Variants in DSCAM observed in about 807,000 individuals in gnomAD.
DSCAM encodes the protein DS cell adhesion molecule.
Under a neutral mutation model 217.7 loss-of-function variants are expected in DSCAM, and 47 were observed. The observed-to-expected ratio is 0.22, with a 90% CI of 0.17 to 0.28. The LOEUF (loss-of-function observed/expected upper bound fraction) is 0.28. Ranked by LOEUF, DSCAM falls within the 10% of genes least tolerant of loss-of-function variation. DSCAM has a pLI of 1.00. For synonymous variants in DSCAM, 1,056 were observed against 1,015.3 expected, an observed-to-expected ratio of 1.04 and a Z score of -0.76; for missense variants, 2,080 against 2,618.3, an observed-to-expected ratio of 0.79 and a Z score of 4.49.
At chr21:40,072,350 CTT>C (rs3069680) in intron 27 of DSCAM, among the ~76,000 whole-genome samples, 6 of 141,370 alleles carry the variant, frequency 4.2e-5, no homozygotes, top group Admixed American at 7.1e-5. Context: ...CTGTCAGATT[CTT>C]TTTTTTTTTT....
At chr21:40,126,761 C>T (rs2090098418) in intron 19 of DSCAM, among the ~76,000 whole-genome samples, 1 of 152,144 alleles carries the variant, frequency 6.6e-6, no homozygotes, top group African/African-American at 2.4e-5. Flanking sequence ...TTTTACTGCA[C>T]CATCTAAACT....
At chr21:40,252,164 C>A (rs76920671) in intron 11 of DSCAM, among the ~76,000 whole-genome samples, 5,128 of 152,260 alleles carry the variant, frequency 0.034, 128 homozygotes, top group Middle Eastern at 0.075. Context: ...CCTGGACCCA[C>A]AAAAACTGTA....
chr21:40,250,486 T>C (rs575837928), intron 11 of DSCAM, among the ~76,000 whole-genome samples: 2 of 152,330 alleles, frequency 1.3e-5, no homozygotes, highest in African/African-American at 4.8e-5. Context: ...TTTAAAAAAT[T>C]CCACACTTAA....
At chr21:40,642,194 G>C (rs1055510933) in intron 3 of DSCAM, among the ~76,000 whole-genome samples, 1 of 152,122 alleles carries the variant, frequency 6.6e-6, no homozygotes, top group African/African-American at 2.4e-5. Context: ...CCACAGCCCT[G>C]AAGGAACACA....
intron 14 of DSCAM, among the ~76,000 whole-genome samples, chr21:40,183,719 A>T (rs1483889323): frequency 6.6e-6 from 1 of 152,166 alleles, no homozygotes; most frequent in Non-Finnish European, 1.5e-5. Context: ...TGGGTTAGTG[A>T]GTTTCTGTTT....
chr21:40,157,824 A>G (rs2090496082), intron 16 of DSCAM, among the ~76,000 whole-genome samples: 2 of 151,856 alleles, frequency 1.3e-5, no homozygotes, highest in African/African-American at 4.8e-5. Flanking sequence ...CCTCCTGAGC[A>G]GCTGGGACCA....
chr21:40,632,664 G>C (rs1343608472), intron 3 of DSCAM, among the ~76,000 whole-genome samples: 1 of 152,162 alleles, frequency 6.6e-6, no homozygotes, highest in African/African-American at 2.4e-5. Context: ...CACTGAAATT[G>C]CTTAGTCGGA....
Position 40,242,581 on chromosome 21 carries a change from T to C in DSCAM, c.2356+33516A>G, listed in dbSNP as rs376196094. ...AAATAAGCTGTGAGCATAAGCACCA[T>C]GTGTAGCCTTCAGTGAATGAGTTGT... On this transcript the variant is annotated intron_variant, in intron 11 of 32. Transcript: ENST00000400454. Among the ~76,000 whole-genome samples the C allele has an allele frequency of 2.0e-4, 31 of 152,320 alleles. No individual in the cohort carries two copies. The South Asian group carries it at 6.0e-3, about 30-fold the overall frequency.
chr21:40,060,826 T>G (rs2146516082), intron 28 of DSCAM, among the ~76,000 whole-genome samples: 1 of 152,364 alleles, frequency 6.6e-6, no homozygotes, highest in South Asian at 2.1e-4. Context: ...TGACTCTGAC[T>G]TCTTTGTTTT....
At position 40,265,387 on chromosome 21, in the gene DSCAM, T is replaced by C. The variant is rs887577374; in HGVS notation, c.2356+10710A>G. Among the ~76,000 whole-genome samples, 5 of 152,142 alleles carry C rather than the reference T, an allele frequency of 3.3e-5. No individual in the cohort carries two copies. The South Asian group carries it at 8.3e-4, about 25-fold the overall frequency. On this transcript the variant is annotated intron_variant, in intron 11 of 32. Transcript: ENST00000400454. ...TGGAAAAACATCCCATGTTCATAGA[T>C]TGAAAGAATCGGTATTGTGGAAATG...
At chr21:40,580,993 A>T (rs2076901027) in intron 3 of DSCAM, among the ~76,000 whole-genome samples, 1 of 152,246 alleles carries the variant, frequency 6.6e-6, no homozygotes, top group African/African-American at 2.4e-5. Flanking sequence ...AAGAAAGATG[A>T]TAAAATACAA....
chr21:40,049,995 T>G (rs181351795), intron 30 of DSCAM, among the ~76,000 whole-genome samples: 1 of 152,342 alleles, frequency 6.6e-6, no homozygotes, highest in East Asian at 1.9e-4. Flanking sequence ...AAATGCATGT[T>G]GCTTTTTACC....
At chr21:40,830,035 A>G (rs1024451251) in intron 1 of DSCAM, among the ~76,000 whole-genome samples, 1 of 152,176 alleles carries the variant, frequency 6.6e-6, no homozygotes, top group Non-Finnish European at 1.5e-5. Context: ...AGTTTTCCAG[A>G]TAAGCATGGC....
intron 9 of DSCAM, among the ~76,000 whole-genome samples, chr21:40,305,244 G>C (rs1263776022): frequency 1.3e-5 from 2 of 152,006 alleles, no homozygotes; most frequent in East Asian, 3.9e-4. Flanking sequence ...AAAAAAATTA[G>C]CTTGGCATGT....
intron 15 of DSCAM, among the ~76,000 whole-genome samples, chr21:40,170,719 A>G (rs562988122): frequency 2.0e-5 from 3 of 152,332 alleles, no homozygotes; most frequent in Admixed American, 6.5e-5. Context: ...GTTTTCCATA[A>G]AAATCCTTGA....
At chr21:40,542,896 C>T (rs1022130838) in intron 3 of DSCAM, among the ~76,000 whole-genome samples, 7 of 152,098 alleles carry the variant, frequency 4.6e-5, no homozygotes, top group African/African-American at 9.7e-5. Flanking sequence ...ATATTAGAAA[C>T]GACCCCAGGA....
At chr21:40,080,473 G>C in intron 24 of DSCAM, 133 bp from the exon 25 acceptor site, 1 of 793,536 alleles carries the variant, frequency 1.3e-6, no homozygotes, top group Non-Finnish European at 1.9e-6. Flanking sequence ...GAACATTTTC[G>C]CTCTTTCTGA....
chr21:40,402,250 T>C (rs2075242716), intron 3 of DSCAM, among the ~76,000 whole-genome samples: 1 of 149,380 alleles, frequency 6.7e-6, no homozygotes, highest in Non-Finnish European at 1.5e-5. Context: ...TTTGTATTTT[T>C]AGTAGAGACG....
intron 20 of DSCAM, among the ~76,000 whole-genome samples, chr21:40,112,665 G>A (rs965245336): frequency 3.9e-5 from 6 of 151,994 alleles, no homozygotes; most frequent in African/African-American, 7.2e-5. Flanking sequence ...TTGATAGACC[G>A]CTAGCAAGAC....
Sources: gnomAD v4.1 joint callset for allele counts (sites outside exome capture counted in the v4.1 genomes callset) on GRCh38, gnomAD v4.1.1 for gene constraint, MANE v1.5 for transcripts, NCBI Gene and HGNC (gene_info 2026-07-23, HGNC 2026-07-21) for gene names.